Variants in GRAMD2B observed in about 807,000 individuals in gnomAD.
The protein encoded by GRAMD2B is GRAM domain-containing protein 2B.
Under a neutral mutation model 59.2 loss-of-function variants are expected in GRAMD2B, and 41 were observed. The ratio of observed to expected loss-of-function variants is 0.69; its 90% CI spans 0.54 to 0.90. The LOEUF (loss-of-function observed/expected upper bound fraction) is 0.90, where lower values mean the gene tolerates loss of function less well. Ranked by LOEUF, GRAMD2B falls within the 40% of genes least tolerant of loss-of-function variation. The probability of loss-of-function intolerance (pLI) is 0.00; values close to 1 mark genes in which losing one functional copy is unlikely to be tolerated. For synonymous variants in GRAMD2B, 161 were observed against 182.7 expected, an observed-to-expected ratio of 0.88 and a Z score of 0.96; for missense variants, 424 against 500.5, an observed-to-expected ratio of 0.85 and a Z score of 1.46.
rs190035483 is a variant in GRAMD2B, at chr5:126,426,826, C to T, written c.83+3137C>T. ...GAATTTCTAGGTACATTTACTTGCC[C>T]GAGAGCTGTGGCTAATTTGTTCATC... is the stretch of plus-strand genomic sequence containing the variant. On this transcript the variant is annotated intron_variant, in intron 1 of 13. Transcript: ENST00000285689. Among the ~76,000 whole-genome samples the T allele has an allele frequency of 1.8e-3, 267 of 152,234 alleles. 2 individuals are homozygous for T. Among genetic ancestry groups the T allele is most frequent in the Middle Eastern group, 0.014 (4 of 294 alleles).
At chr5:126,379,318 GGGCT>G (rs1279033446) in intron 1 of GRAMD2B, among the ~76,000 whole-genome samples, 1 of 152,074 alleles carries the variant, frequency 6.6e-6, no homozygotes, top group East Asian at 1.9e-4. Flanking sequence ...ATGGGCATTT[GGGCT>G]GGTTCCATAT....
chr5:126,460,873 A>G (rs1767223692), intron 1 of GRAMD2B, among the ~76,000 whole-genome samples: 2 of 152,264 alleles, frequency 1.3e-5, no homozygotes, highest in African/African-American at 2.4e-5. Flanking sequence ...GATGAAACAT[A>G]TCCTATCTTC....
At chr5:126,375,017 G>C (rs557140837) in intron 1 of GRAMD2B, among the ~76,000 whole-genome samples, 2 of 152,060 alleles carry the variant, frequency 1.3e-5, no homozygotes, top group Non-Finnish European at 2.9e-5. Flanking sequence ...ACATCTTTAC[G>C]ATGTTAAATA....
chr5:126,414,095 A>T (rs959049725), intron 1 of GRAMD2B, among the ~76,000 whole-genome samples: 2 of 152,162 alleles, frequency 1.3e-5, no homozygotes, highest in Non-Finnish European at 2.9e-5. Flanking sequence ...AATCCCTTAG[A>T]CATCCAGTGC....
intron 1 of GRAMD2B, among the ~76,000 whole-genome samples, chr5:126,383,836 G>A (rs1755868666): frequency 6.6e-6 from 1 of 152,100 alleles, no homozygotes; most frequent in South Asian, 2.1e-4. Context: ...GTGATTTCTA[G>A]AGCCCCAGAG....
intron 1 of GRAMD2B, among the ~76,000 whole-genome samples, chr5:126,441,936 A>G (rs1048079911): frequency 3.9e-5 from 6 of 152,134 alleles, no homozygotes; most frequent in Admixed American, 6.6e-5. Flanking sequence ...AAAATTTTCA[A>G]ATCAAATCAA....
rs1771593524 is a variant in GRAMD2B at position 126,480,851 on chromosome 5, C to T, written c.735+144C>T. 8 of 664,470 alleles carry T rather than the reference C, an allele frequency of 1.2e-5. No individual in the cohort carries two copies. The East Asian group carries it at 2.2e-4, about 18-fold the overall frequency. The allele number at this position is 664,470 out of a possible 1,614,324, so 41.2% of individuals were successfully genotyped here. A position where few individuals can be genotyped will look rare whatever the true frequency, so the allele number is the denominator to read the frequency against. On this transcript the variant is annotated intron_variant, in intron 8 of 13. Transcript: ENST00000285689. ...CAGTTGAAGAAACAGGGCATATCTT[C>T]CTTGAAGAAGAGGAAACCATAGTAG...
At chr5:126,487,699 G>A (rs185307693) in intron 12 of GRAMD2B, among the ~76,000 whole-genome samples, 425 of 152,278 alleles carry the variant, frequency 2.8e-3, no homozygotes, top group African/African-American at 9.2e-3. Context: ...AAATACAGAT[G>A]ATTTTTCCTC....
intron 1 of GRAMD2B, among the ~76,000 whole-genome samples, chr5:126,394,607 C>T (rs1757195858): frequency 6.6e-6 from 1 of 152,184 alleles, no homozygotes; most frequent in Non-Finnish European, 1.5e-5. Flanking sequence ...ATTCTGCCTT[C>T]CATTTCAATA....
chr5:126,414,663 C>T (rs1040132093), intron 1 of GRAMD2B, among the ~76,000 whole-genome samples: 1 of 152,036 alleles, frequency 6.6e-6, no homozygotes, highest in African/African-American at 2.4e-5. Flanking sequence ...GAGACAGTGT[C>T]TCACTATGCT....
chr5:126,391,319 C>CAAAAAAAAAAAACAAAAAA (rs1756738250), intron 1 of GRAMD2B, among the ~76,000 whole-genome samples: 1 of 76,350 alleles, frequency 1.3e-5, no homozygotes, highest in Non-Finnish European at 2.6e-5. Flanking sequence ...GACTCCATCT[C>CAAAAAAAAAAAACAAAAAA]AAAAAAAAAA....
rs571941755 is a variant in GRAMD2B, at chr5:126,472,473, G to A, written c.382+169G>A. 7.2e-5 allele frequency among the ~76,000 whole-genome samples: 11 copies of A among 152,316 alleles called. 1 individual carries two copies. The East Asian group carries it at 1.5e-3, about 21-fold the overall frequency. On this transcript the variant is annotated intron_variant, in intron 4 of 13. Transcript: ENST00000285689. ...CTTCAGTCAGCTTTCACCAGGCAGC[G>A]TGAAAAGATCACAGAGGAGAAAAAG...
At chr5:126,446,413 T>C (rs1017914081) in intron 1 of GRAMD2B, among the ~76,000 whole-genome samples, 1 of 152,172 alleles carries the variant, frequency 6.6e-6, no homozygotes, top group Non-Finnish European at 1.5e-5. Context: ...TCAAAAATCA[T>C]TTCTGAAAAT....
intron 1 of GRAMD2B, among the ~76,000 whole-genome samples, chr5:126,397,901 T>G (rs990243546): frequency 6.6e-6 from 1 of 152,170 alleles, no homozygotes; most frequent in African/African-American, 2.4e-5. Flanking sequence ...TTGGAAGTGT[T>G]CCCTCTTCTA....
At position 126,447,453 on chromosome 5, in the gene GRAMD2B, A is replaced by G. The variant is rs562497956; in HGVS notation, c.84-17973A>G. Among the ~76,000 whole-genome samples the G allele has an allele frequency of 3.2e-4, 48 of 152,264 alleles. No homozygotes were observed. The South Asian group carries it at 5.6e-3, about 18-fold the overall frequency. On this transcript the variant is annotated intron_variant, in intron 1 of 13. Coordinates refer to ENST00000285689, the MANE Select transcript of GRAMD2B (RefSeq NM_023927.4). ...CAAGGCGGGCAGATCATGAGGTCAG[A>G]AGATTGAGACCATCCTCGATAACAC...
chr5:126,447,486 C>T (rs558813892), intron 1 of GRAMD2B, among the ~76,000 whole-genome samples: 1 of 152,126 alleles, frequency 6.6e-6, no homozygotes, highest in African/African-American at 2.4e-5. Flanking sequence ...CACGGTGAAA[C>T]CCCGTCTCTA....
At chr5:126,404,057 G>A (rs1048137765) in intron 1 of GRAMD2B, among the ~76,000 whole-genome samples, 1 of 151,878 alleles carries the variant, frequency 6.6e-6, no homozygotes, top group African/African-American at 2.4e-5. Flanking sequence ...TTGTCACAAA[G>A]TTCTACATAC....
chr5:126,364,804 GGC>G (rs1481905944), intron 1 of GRAMD2B, among the ~76,000 whole-genome samples: 1 of 152,098 alleles, frequency 6.6e-6, no homozygotes, highest in Non-Finnish European at 1.5e-5. Context: ...AAAACATCTT[GGC>G]CAGTGGTATG....
chr5:126,420,456 C>G (rs2149773867), upstream of GRAMD2B, among the ~76,000 whole-genome samples: 1 of 152,294 alleles, frequency 6.6e-6, no homozygotes, highest in Non-Finnish European at 1.5e-5. Flanking sequence ...TTCTTCCACT[C>G]TAGGAAAAGA....
Sources: allele counts gnomAD v4.1 joint callset (sites outside exome capture counted in the v4.1 genomes callset), GRCh38; gene constraint gnomAD v4.1.1; transcripts MANE v1.5; gene names NCBI Gene and HGNC (gene_info 2026-07-23, HGNC 2026-07-21).